The following MAP2 variants were observed in gnomAD, a reference collection of about 807,000 sequenced individuals.
MAP2 encodes the protein microtubule-associated protein 2.
In MAP2, 14 loss-of-function variants were observed where a neutral mutation model predicts 137.6. That is an observed-to-expected ratio of 0.10 (90% CI 0.07 to 0.16). The LOEUF (loss-of-function observed/expected upper bound fraction) is 0.16, where lower values mean the gene tolerates loss of function less well. Among genes scored for constraint, MAP2 ranks in the 10% least tolerant of loss-of-function variants. MAP2 has a pLI of 1.00. For synonymous variants in MAP2, 786 were observed against 782.3 expected (o/e 1.00, Z -0.08); for missense variants, 2,088 against 2,191.5 (o/e 0.95, Z 0.94).
intron 2 of MAP2, among the ~76,000 whole-genome samples, chr2:209,519,667 CCCTTGTTTTCAGCAGAGAGAT>C (rs2062998750): frequency 6.6e-6 from 1 of 151,958 alleles, no homozygotes; most frequent in East Asian, 1.9e-4. Flanking sequence ...TCTCTATCTA[CCCTTGTTTTCAGCAGAGAGAT>C]TTGAATAAGA....
chr2:209,699,663 C>T (rs1207210894), intron 10 of MAP2, among the ~76,000 whole-genome samples: 1 of 152,110 alleles, frequency 6.6e-6, no homozygotes, highest in Non-Finnish European at 1.5e-5. Flanking sequence ...TAAATTTTCT[C>T]TCGTGTTTTC....
chr2:209,717,987 C>T (rs576323456), intron 13 of MAP2, among the ~76,000 whole-genome samples: 1 of 152,268 alleles, frequency 6.6e-6, no homozygotes, highest in Admixed American at 6.5e-5. Context: ...TGTTGGTCAA[C>T]ACAGCATGAA....
chr2:209,437,625 G>A (rs1442633087), intron 1 of MAP2, among the ~76,000 whole-genome samples: 1 of 151,498 alleles, frequency 6.6e-6, no homozygotes, highest in Non-Finnish European at 1.5e-5. Context: ...GAAATGACAC[G>A]ATGGACAAGA....
At chr2:209,670,436 T>C (rs1293159181) in intron 5 of MAP2, among the ~76,000 whole-genome samples, 1 of 151,912 alleles carries the variant, frequency 6.6e-6, no homozygotes, top group Non-Finnish European at 1.5e-5. Flanking sequence ...AGAAGCAAAA[T>C]TTTCCAGTAG....
At chr2:209,588,896 C>T (rs535617687) in intron 3 of MAP2, among the ~76,000 whole-genome samples, 134 of 152,038 alleles carry the variant, frequency 8.8e-4, no homozygotes, top group Middle Eastern at 6.8e-3. Context: ...ATCTAACAAT[C>T]GAAACATTTT....
At chr2:209,690,738 C>A in intron 7 of MAP2, 1 of 1,289,774 alleles carries the variant, frequency 7.8e-7, no homozygotes, top group Non-Finnish European at 1.0e-6. Context: ...AGTGCGGAGG[C>A]CCAAATAGTT....
intron 3 of MAP2, among the ~76,000 whole-genome samples, chr2:209,618,810 G>A (rs2090308793): frequency 6.6e-6 from 1 of 151,438 alleles, no homozygotes. Flanking sequence ...GAAACCAAAT[G>A]TCAAAGAGAT....
intron 2 of MAP2, among the ~76,000 whole-genome samples, chr2:209,523,163 T>G (rs1375004046): frequency 6.6e-6 from 1 of 152,106 alleles, no homozygotes; most frequent in African/African-American, 2.4e-5. Context: ...GAGCCGTCTT[T>G]CCTACAGTGG....
At chr2:209,574,524 A>G (rs947984474) in intron 2 of MAP2, among the ~76,000 whole-genome samples, 13 of 152,066 alleles carry the variant, frequency 8.5e-5, no homozygotes, top group Non-Finnish European at 1.6e-4. Context: ...TTGTTTACAT[A>G]TCTTAGCTAT....
rs2075771453 is a variant in MAP2, at chr2:209,731,515, T to C, written c.*1118T>C. ...GGGTCCAGTTATACATGAAAGGGTTTACAGATTGTTGGTTTAAGATTATGG... is the reference window on the plus strand; with the variant it reads ...GGGTCCAGTTATACATGAAAGGGTTCACAGATTGTTGGTTTAAGATTATGG... On this transcript the variant is annotated 3_prime_UTR_variant, in exon 16 of 16. Transcript: ENST00000682079. 6.6e-6 allele frequency: 1 copy of C among 152,642 alleles called. No homozygotes were observed. Among genetic ancestry groups the C allele is most frequent in the African/African-American group, 2.4e-5 (1 of 41,460 alleles). The allele number at this position is 152,642 out of a possible 1,614,324, so 9.5% of individuals were successfully genotyped here.
chr2:209,666,301 A>G (rs973989947), intron 5 of MAP2, among the ~76,000 whole-genome samples: 2 of 152,032 alleles, frequency 1.3e-5, no homozygotes, highest in African/African-American at 4.8e-5. Context: ...TTCTCATCTA[A>G]TTCTTTATAA....
intron 7 of MAP2, among the ~76,000 whole-genome samples, chr2:209,687,552 A>G (rs1459483285): frequency 6.6e-6 from 1 of 152,144 alleles, no homozygotes; most frequent in Admixed American, 6.6e-5. Context: ...TGAAACATTC[A>G]CTGTCTCCCA....
intron 4 of MAP2, among the ~76,000 whole-genome samples, chr2:209,646,226 G>A (rs2094414548): frequency 6.6e-6 from 1 of 152,008 alleles, no homozygotes; most frequent in Non-Finnish European, 1.5e-5. Context: ...GAAAATAAAA[G>A]AAATAAGCAA....
At chr2:209,458,169 C>T (rs1015954434) in intron 1 of MAP2, among the ~76,000 whole-genome samples, 3 of 152,046 alleles carry the variant, frequency 2.0e-5, no homozygotes, top group Non-Finnish European at 4.4e-5. Flanking sequence ...CTTGGCTATA[C>T]TCCCAGAACA....
intron 1 of MAP2, among the ~76,000 whole-genome samples, chr2:209,443,136 CCCTT>C (rs1273542095): frequency 1.3e-5 from 2 of 151,466 alleles, no homozygotes; most frequent in Non-Finnish European, 3.0e-5. Flanking sequence ...TTCAGCCACT[CCCTT>C]CCTGTATTTT....
intron 1 of MAP2, among the ~76,000 whole-genome samples, chr2:209,482,191 C>G (rs888508356): frequency 2.6e-5 from 4 of 152,152 alleles, no homozygotes; most frequent in Non-Finnish European, 5.9e-5. Flanking sequence ...TGTCTTAGCT[C>G]TCTTACTAAA....
At chr2:209,542,415 C>T (rs759331622) in intron 2 of MAP2, among the ~76,000 whole-genome samples, 25 of 152,164 alleles carry the variant, frequency 1.6e-4, no homozygotes, top group Non-Finnish European at 2.4e-4. Context: ...GGTAAATGAG[C>T]GCTGACTTCA....
intron 14 of MAP2, 68 bp from the exon 15 acceptor site, chr2:209,729,782 G>A: frequency 3.9e-6 from 4 of 1,029,168 alleles, no homozygotes; most frequent in Non-Finnish European, 4.5e-6. Context: ...ATCTACTGCA[G>A]TCATTTTTGG....
chr2:209,513,736 C>T (rs2150300472), intron 2 of MAP2, among the ~76,000 whole-genome samples: 1 of 152,168 alleles, frequency 6.6e-6, no homozygotes, highest in Non-Finnish European at 1.5e-5. Context: ...AAGCCTATTT[C>T]CTCAGGATGT....
Sources: allele counts gnomAD v4.1 joint callset (sites outside exome capture counted in the v4.1 genomes callset), GRCh38; gene constraint gnomAD v4.1.1; transcripts MANE v1.5; gene names NCBI Gene and HGNC (gene_info 2026-07-23, HGNC 2026-07-21).